Variants in SIX2 observed in about 807,000 individuals in gnomAD.
SIX2 encodes SIX homeobox 2, also known as homeobox protein SIX2.
A neutral mutation model predicts 22.8 loss-of-function variants in SIX2; 20 were observed. That is an observed-to-expected ratio of 0.88 (90% CI 0.62 to 1.28). The LOEUF (loss-of-function observed/expected upper bound fraction) is 1.28. Among genes scored for constraint, SIX2 ranks in the 50% most tolerant of loss-of-function variants. SIX2 has a pLI of 0.00. For missense variants in SIX2, 360 were observed against 400.0 expected (o/e 0.90, Z 0.85); for synonymous variants, 195 against 186.4 (o/e 1.05, Z -0.37).
intron 1 of SIX2, among the ~76,000 whole-genome samples, chr2:45,007,871 T>C (rs895631): frequency 0.9 from 137,031 of 152,114 alleles, 61,966 homozygotes; most frequent in African/African-American, 0.97. Context: ...AGGTAGGGCC[T>C]AAGGAGAGAG....
rs780209481 is a variant in SIX2, at chr2:45,008,904, G to A, written c.207C>T (p.Ile69=). The A allele has an allele frequency of 6.2e-6, 10 of 1,613,914 alleles. No homozygotes were observed. Among genetic ancestry groups the A allele is most frequent in the Non-Finnish European group, 8.5e-6 (10 of 1,179,982 alleles). The change falls in exon 1 of 2, where the codon ATC becomes ATT. Residue 69 remains isoleucine (I), a synonymous_variant. Coordinates refer to ENST00000303077, the MANE Select transcript of SIX2 (RefSeq NM_016932.5). ...HRGNFRELYK[I]LESHQFSPHN... ...GCGGCGAGAACTGGTGGCTCTCCAG[G>A]ATCTTGTAGAGCTCGCGGAAGTTGC...
In SIX2 at chr2:45,008,701, C is replaced by G; in HGVS notation, c.410G>C (p.Ser137Thr). 2.5e-6 allele frequency: 4 copies of G among 1,614,104 alleles called. No individual in the cohort carries two copies. Among genetic ancestry groups the G allele is most frequent in the Non-Finnish European group, 3.4e-6 (4 of 1,179,974 alleles). Residue 137 changes from serine (S) to threonine (T), a missense_variant, in exon 1 of 2, where the codon AGC (serine) becomes ACC (threonine). Ser to Thr is a moderately conservative substitution (Grantham distance 58). Transcript: ENST00000303077. ...TSYCFKEKSR[S>T]VLREWYAHNP... Reference sequence around the variant, plus strand: ...GTGCGCGTACCACTCGCGCAGCACGCTGCGACTCTTTTCCTTGAAGCAGTA... The same window carrying G: ...GTGCGCGTACCACTCGCGCAGCACGGTGCGACTCTTTTCCTTGAAGCAGTA...
chr2:45,007,227 T>G (rs1667784172), intron 1 of SIX2, among the ~76,000 whole-genome samples: 1 of 152,170 alleles, frequency 6.6e-6, no homozygotes, highest in South Asian at 2.1e-4. Flanking sequence ...TTTTCCATTG[T>G]AACCAGCCAC....
At position 45,006,449 on chromosome 2, in the gene SIX2, G is replaced by T; in HGVS notation, c.597C>A (p.Asn199Lys). Reference sequence around the variant, plus strand: ...CCGACTTGCCGCTGCCATTCAGCGGGTTGTGGCTGTTAGAATTGGAGTTCT... The same window carrying T: ...CCGACTTGCCGCTGCCATTCAGCGGTTTGTGGCTGTTAGAATTGGAGTTCT... ...NNENSNSNSHNPLNGSGKSVL... is the reference protein window; with the variant it reads ...NNENSNSNSHKPLNGSGKSVL... The change falls in exon 2 of 2, where the codon AAC becomes AAA. Residue 199 changes from asparagine to lysine, a missense_variant. Around this residue, in one of 3 missense-constraint regions of SIX2, gnomAD observed 235 missense variants for 231.9 expected, o/e 1.01. Coordinates refer to ENST00000303077, the MANE Select transcript of SIX2 (RefSeq NM_016932.5). This position sits in a 1 kb window ranked among gnomAD's most constrained non-coding sequence, Gnocchi z 4.2. The T allele has an allele frequency of 1.9e-6, 3 of 1,614,044 alleles. No individual in the cohort carries two copies. The highest frequency in any genetic ancestry group is 2.5e-6 in the Non-Finnish European group (3 of 1,180,016).
At position 45,006,342 on chromosome 2, in the gene SIX2, G is replaced by A. The variant is rs143323460; in HGVS notation, c.704C>T (p.Pro235Leu). 50 of 1,613,876 alleles carry A rather than the reference G, an allele frequency of 3.1e-5. No individual in the cohort carries two copies. The highest frequency in any genetic ancestry group is 3.0e-4 in the Admixed American group (18 of 60,014). ...CAGGGACGGCAGCCCAGGGGGCGGCGGGCTGAGGAGCAGTGCGGGGCTGGA... is the reference window on the plus strand; with the variant it reads ...CAGGGACGGCAGCCCAGGGGGCGGCAGGCTGAGGAGCAGTGCGGGGCTGGA... ...SSSSPALLLS[P>L]PPPGLPSLHS... is the part of the protein sequence containing the mutation. Residue 235 changes from proline (P) to leucine (L), a missense_variant, in exon 2 of 2, where the codon CCG becomes CTG. By Grantham distance (98) the Pro-to-Leu change is moderately conservative. Coordinates refer to ENST00000303077, the MANE Select transcript of SIX2 (RefSeq NM_016932.5). The surrounding 1 kb of genome is among the most constrained non-coding windows in gnomAD (Gnocchi z 4.2).
Position 45,009,183 on chromosome 2 carries a change from G to T in SIX2, c.-73C>A. 1 of 1,292,036 alleles carries T rather than the reference G, an allele frequency of 7.7e-7. No homozygotes were observed. The highest frequency in any genetic ancestry group is 9.9e-7 in the Non-Finnish European group (1 of 1,013,082). 80.0% of individuals were successfully genotyped at this position (1,292,036 alleles called of 1,614,324 possible). A position where few individuals can be genotyped will look rare whatever the true frequency, so the allele number is the denominator to read the frequency against. On this transcript the variant is annotated 5_prime_UTR_variant, in exon 1 of 2. Transcript: ENST00000303077. Reference sequence around the variant, plus strand: ...CGCGGTCCCGCATGGGAGCTTCCTCGCCGGGCCGTCCGGGCCGAGACGCGG... The same window carrying T: ...CGCGGTCCCGCATGGGAGCTTCCTCTCCGGGCCGTCCGGGCCGAGACGCGG...
rs913132667 is a variant in SIX2, at chr2:45,009,192, TC to T, written c.-83del. On this transcript the variant is annotated 5_prime_UTR_variant, in exon 1 of 2. Transcript: ENST00000303077. ...GCATGGGAGCTTCCTCGCCGGGCCG[TC>T]CGGGCCGAGACGCGGGCGGGGCTGG... 2.4e-6 allele frequency: 3 copies of T among 1,228,686 alleles called. No individual in the cohort carries two copies. The highest frequency in any genetic ancestry group is 6.1e-4 in the Middle Eastern group (2 of 3,276). 76.1% of individuals were successfully genotyped at this position (1,228,686 alleles called of 1,614,324 possible). A position where few individuals can be genotyped will look rare whatever the true frequency, so the allele number is the denominator to read the frequency against.
intron 1 of SIX2, 127 bp downstream of exon 1, chr2:45,008,424 C>T: frequency 1.0e-6 from 1 of 986,934 alleles, no homozygotes; most frequent in South Asian, 1.3e-5. Flanking sequence ...TCAGGCCGGG[C>T]TGCCGCTGGG....
Position 45,006,043 on chromosome 2 carries a change from C to A in SIX2, c.*127G>T. The A allele has an allele frequency of 1.0e-6, 1 of 1,001,126 alleles. No individual in the cohort carries two copies. Among genetic ancestry groups the A allele is most frequent in the Non-Finnish European group, 1.6e-6 (1 of 622,920 alleles). The allele number at this position is 1,001,126 out of a possible 1,614,324, so 62.0% of individuals were successfully genotyped here. A position where few individuals can be genotyped will look rare whatever the true frequency, so the allele number is the denominator to read the frequency against. On this transcript the variant is annotated 3_prime_UTR_variant, in exon 2 of 2. Coordinates refer to ENST00000303077, the MANE Select transcript of SIX2 (RefSeq NM_016932.5). The surrounding 1 kb of genome is among the most constrained non-coding windows in gnomAD (Gnocchi z 4.2). ...CAGCTATCTGCCCTACCCGGCTGTT[C>A]TACCCGCTCAGCCTGCGGGTCTTTC...
chr2:45,006,139 C>T lies in SIX2; in HGVS notation c.*31G>A. 6.2e-7 allele frequency: 1 copy of T among 1,613,160 alleles called. No homozygotes were observed. Among genetic ancestry groups the T allele is most frequent in the Non-Finnish European group, 8.5e-7 (1 of 1,179,046 alleles). ...ACTCCACGTCCCCAGTGTCAAGTCA[C>T]AAAAGGCAAGCTCATCAAGGCAAAT... On this transcript the variant is annotated 3_prime_UTR_variant, in exon 2 of 2. Transcript: ENST00000303077. The surrounding 1 kb of genome is among the most constrained non-coding windows in gnomAD (Gnocchi z 4.2).
chr2:45,009,182 C>CGCCGG lies in SIX2; in HGVS notation c.-77_-73dup. 1.5e-6 allele frequency: 2 copies of CGCCGG among 1,297,328 alleles called. No homozygotes were observed. Among genetic ancestry groups the CGCCGG allele is most frequent in the Non-Finnish European group, 2.0e-6 (2 of 1,018,304 alleles). 80.4% of individuals were successfully genotyped at this position (1,297,328 alleles called of 1,614,324 possible). A position where few individuals can be genotyped will look rare whatever the true frequency, so the allele number is the denominator to read the frequency against. On this transcript the variant is annotated 5_prime_UTR_variant, in exon 1 of 2. Coordinates refer to ENST00000303077, the MANE Select transcript of SIX2 (RefSeq NM_016932.5). Reference sequence around the variant, plus strand: ...GCGCGGTCCCGCATGGGAGCTTCCTCGCCGGGCCGTCCGGGCCGAGACGCG... The same window carrying CGCCGG: ...GCGCGGTCCCGCATGGGAGCTTCCTCGCCGGGCCGGGCCGTCCGGGCCGAGACGCG...
chr2:45,007,961 A>T (rs539211700), intron 1 of SIX2, among the ~76,000 whole-genome samples: 1 of 152,222 alleles, frequency 6.6e-6, no homozygotes, highest in Non-Finnish European at 1.5e-5. Context: ...CTTCTCTCCC[A>T]GAACTGACAC....
chr2:45,005,942 A>G lies in SIX2; in HGVS notation c.*228T>C. The G allele has an allele frequency of 1.6e-6, 1 of 636,708 alleles. No individual in the cohort carries two copies. The highest frequency in any genetic ancestry group is 1.8e-5 in the South Asian group (1 of 54,580). The allele number at this position is 636,708 out of a possible 1,614,324, so 39.4% of individuals were successfully genotyped here. ...ATAATTTATTCCCTTCTGTGGTTCA[A>G]GACTCAGTCTCCAGCCCCAAAAGGA... On this transcript the variant is annotated 3_prime_UTR_variant, in exon 2 of 2. Coordinates refer to ENST00000303077, the MANE Select transcript of SIX2 (RefSeq NM_016932.5).
rs2103718549 is a variant in SIX2, at chr2:45,009,193, C to G, written c.-83G>C. On this transcript the variant is annotated 5_prime_UTR_variant, in exon 1 of 2. Transcript: ENST00000303077. Reference sequence around the variant, plus strand: ...CATGGGAGCTTCCTCGCCGGGCCGTCCGGGCCGAGACGCGGGCGGGGCTGG... The same window carrying G: ...CATGGGAGCTTCCTCGCCGGGCCGTGCGGGCCGAGACGCGGGCGGGGCTGG... 1 of 1,224,952 alleles carries G rather than the reference C, an allele frequency of 8.2e-7. No homozygotes were observed. The highest frequency in any genetic ancestry group is 2.5e-5 in the South Asian group (1 of 40,566). The allele number at this position is 1,224,952 out of a possible 1,614,324, so 75.9% of individuals were successfully genotyped here.
chr2:45,007,993 T>TC (rs1478833152), intron 1 of SIX2, among the ~76,000 whole-genome samples: 1 of 152,164 alleles, frequency 6.6e-6, no homozygotes, highest in Non-Finnish European at 1.5e-5. Context: ...CACCTCTGGA[T>TC]CCTTTCTAAG....
chr2:45,009,332 G>T lies in SIX2; in HGVS notation c.-222C>A. 1 of 215,566 alleles carries T rather than the reference G, an allele frequency of 4.6e-6. No individual in the cohort carries two copies. The highest frequency in any genetic ancestry group is 8.7e-6 in the Non-Finnish European group (1 of 114,740). The allele number at this position is 215,566 out of a possible 1,614,324, so 13.4% of individuals were successfully genotyped here. ...CCAACGGCCCGCGCGCCTGGCCCAAGCCCTCGCCCAAGCCCGGGGGCCGCC... is the reference window on the plus strand; with the variant it reads ...CCAACGGCCCGCGCGCCTGGCCCAATCCCTCGCCCAAGCCCGGGGGCCGCC... On this transcript the variant is annotated 5_prime_UTR_variant, in exon 1 of 2. Coordinates refer to ENST00000303077, the MANE Select transcript of SIX2 (RefSeq NM_016932.5).
chr2:45,008,781 G>A lies in SIX2; in HGVS notation c.330C>T (p.Arg110=). The A allele has an allele frequency of 6.2e-7, 1 of 1,613,874 alleles. No homozygotes were observed. The highest frequency in any genetic ancestry group is 8.5e-7 in the Non-Finnish European group (1 of 1,179,942). Residue 110 remains arginine (R), a synonymous_variant, in exon 1 of 2, where the codon CGC becomes CGT. Transcript: ENST00000303077. ...GCGGCAGCGGGAATTTGCGGCGCAC[G>A]CGGTATTTGCCCACGGCGCCCAGGG... ...GRPLGAVGKY[R]VRRKFPLPRS... is the part of the protein sequence containing the mutation.
chr2:45,009,285 G>T lies in SIX2; in HGVS notation c.-175C>A. 1 of 382,898 alleles carries T rather than the reference G, an allele frequency of 2.6e-6. No individual in the cohort carries two copies. The highest frequency in any genetic ancestry group is 4.0e-6 in the Non-Finnish European group (1 of 249,656). The allele number at this position is 382,898 out of a possible 1,614,324, so 23.7% of individuals were successfully genotyped here. ...TGCCGTACGTCCCCGCGCCGGCCGC[G>T]GGTCCCACGAAGCTCCGAACCCCAA... On this transcript the variant is annotated 5_prime_UTR_variant, in exon 1 of 2. Coordinates refer to ENST00000303077, the MANE Select transcript of SIX2 (RefSeq NM_016932.5).
chr2:45,009,220 C>G lies in SIX2; in HGVS notation c.-110G>C. ...GGGCCGAGACGCGGGCGGGGCTGGC[C>G]CCCTGGCCCGGCACTGGCCCCCGGT... On this transcript the variant is annotated 5_prime_UTR_variant, in exon 1 of 2. Transcript: ENST00000303077. The G allele has an allele frequency of 1.1e-6, 1 of 922,294 alleles. No individual in the cohort carries two copies. The highest frequency in any genetic ancestry group is 1.4e-6 in the Non-Finnish European group (1 of 716,282). 57.1% of individuals were successfully genotyped at this position (922,294 alleles called of 1,614,324 possible).
Sources: allele counts gnomAD v4.1 joint callset (sites outside exome capture counted in the v4.1 genomes callset), GRCh38; gene constraint gnomAD v4.1.1; regional missense constraint gnomAD v4.1.1; non-coding constraint Gnocchi (gnomAD v3.1); transcripts MANE v1.5; gene names NCBI Gene and HGNC (gene_info 2026-07-23, HGNC 2026-07-21).